Variants in SSH2 observed in about 807,000 individuals in gnomAD.
SSH2 encodes protein phosphatase Slingshot homolog 2.
In SSH2, 37 loss-of-function variants were observed where a neutral mutation model predicts 135.2. That is an observed-to-expected ratio of 0.27 (90% CI 0.21 to 0.36). SSH2 has a LOEUF of 0.36. SSH2 is among the 10% of genes least tolerant of loss of function. The pLI, the probability that SSH2 is intolerant of heterozygous loss-of-function variation, is 1.00. For missense variants in SSH2, 1,408 were observed against 1,765.3 expected (o/e 0.80, Z 3.63); for synonymous variants, 628 against 646.2 (o/e 0.97, Z 0.43).
chr17:29,926,961 T>A (rs1012487646), intron 1 of SSH2, among the ~76,000 whole-genome samples: 2 of 152,208 alleles, frequency 1.3e-5, no homozygotes, highest in African/African-American at 2.4e-5. Context: ...TAGACACATC[T>A]GGGTTTGAAT....
chr17:29,667,329 TC>T, intron 9 of SSH2, 106 bp from the exon 10 acceptor site: 1 of 888,120 alleles, frequency 1.1e-6, no homozygotes, highest in South Asian at 1.8e-5. Flanking sequence ...ATAAGGCAAA[TC>T]CTTTTCCAAA....
At chr17:29,782,522 G>A (rs542444887) in intron 3 of SSH2, among the ~76,000 whole-genome samples, 1 of 151,702 alleles carries the variant, frequency 6.6e-6, no homozygotes, top group South Asian at 2.1e-4. Context: ...TTCTTTTTTT[G>A]TGCGAGACCA....
At chr17:29,734,275 G>A (rs1163936967) in intron 3 of SSH2, among the ~76,000 whole-genome samples, 1 of 152,152 alleles carries the variant, frequency 6.6e-6, no homozygotes, top group Non-Finnish European at 1.5e-5. Context: ...TCAAGACATA[G>A]AAAGGCTTTC....
rs2151499325 is a variant in SSH2, at chr17:29,929,979, G to T, written c.22C>A (p.Arg8=). ...GAGGTGGTGCTGGGGGTAGGTGACCGCTGGACCGTGACCAAAGCCATCTAG... is the reference window on the plus strand; with the variant it reads ...GAGGTGGTGCTGGGGGTAGGTGACCTCTGGACCGTGACCAAAGCCATCTAG... MALVTVQ[R]SPTPSTTSSP... is the part of the protein sequence containing the mutation. The change falls in exon 1 of 16, where the codon CGG becomes AGG. Residue 8 remains arginine, a synonymous_variant. Transcript: ENST00000540801. 1 of 1,603,482 alleles carries T rather than the reference G, an allele frequency of 6.2e-7. No individual in the cohort carries two copies. The highest frequency in any genetic ancestry group is 1.1e-5 in the South Asian group (1 of 88,920).
At chr17:29,777,417 C>T (rs922012050) in intron 3 of SSH2, among the ~76,000 whole-genome samples, 1 of 152,028 alleles carries the variant, frequency 6.6e-6, no homozygotes, top group Non-Finnish European at 1.5e-5. Flanking sequence ...ACTAGCCCAT[C>T]CTGTTTAAGG....
intron 2 of SSH2, among the ~76,000 whole-genome samples, chr17:29,794,514 T>C (rs2729435): frequency 0.58 from 88,207 of 152,034 alleles, 27,419 homozygotes; most frequent in African/African-American, 0.81. Context: ...TTATTTTTAA[T>C]TTATTCAAAT....
intron 3 of SSH2, among the ~76,000 whole-genome samples, chr17:29,745,924 C>T (rs2040744500): frequency 6.6e-6 from 1 of 152,136 alleles, no homozygotes; most frequent in Non-Finnish European, 1.5e-5. Context: ...AAACACTGCA[C>T]TATTACTGTT....
chr17:29,740,977 T>A (rs1370256877), intron 3 of SSH2, among the ~76,000 whole-genome samples: 2 of 152,190 alleles, frequency 1.3e-5, no homozygotes, highest in Non-Finnish European at 2.9e-5. Context: ...ACCCATATGC[T>A]CAAAAACTCT....
In SSH2 at chr17:29,650,746, G is replaced by A. The variant is rs2036551495; in HGVS notation, c.1134C>T (p.Val378=). 2 of 1,613,848 alleles carry A rather than the reference G, an allele frequency of 1.2e-6. No homozygotes were observed. The highest frequency in any genetic ancestry group is 1.7e-6 in the Non-Finnish European group (2 of 1,179,878). ...ATACCCGAATGTTATGATACTCAAA[G>A]ACTCCTGGGAAGAAGTTATCTATCT... ...TREIDNFFPG[V]FEYHNIRVYD... Residue 378 remains valine, a synonymous_variant, in exon 13 of 16, where the codon GTC becomes GTT. Transcript: ENST00000540801.
At chr17:29,917,571 GAGC>G (rs1421827286) in intron 1 of SSH2, among the ~76,000 whole-genome samples, 1 of 152,092 alleles carries the variant, frequency 6.6e-6, no homozygotes, top group African/African-American at 2.4e-5. Context: ...ACTAAGGCAG[GAGC>G]AGCAAAATGA....
At chr17:29,750,233 T>C (rs2040885312) in intron 3 of SSH2, among the ~76,000 whole-genome samples, 1 of 149,866 alleles carries the variant, frequency 6.7e-6, no homozygotes. Context: ...AGGTCAGGAG[T>C]TCGAGATCAG....
At chr17:29,858,992 C>A (rs925049417) in intron 1 of SSH2, among the ~76,000 whole-genome samples, 10 of 152,176 alleles carry the variant, frequency 6.6e-5, no homozygotes, top group Admixed American at 6.5e-4. Flanking sequence ...GAAGGTCAGC[C>A]TCAGAAGAAA....
In SSH2 at chr17:29,673,429, G is replaced by C. The variant is rs1187921438; in HGVS notation, c.615-1300C>G. Among the ~76,000 whole-genome samples, 4 of 152,080 alleles carry C rather than the reference G, an allele frequency of 2.6e-5. No individual in the cohort carries two copies. The East Asian group carries it at 7.7e-4, about 29-fold the overall frequency. ...TACTAAAAATACAAGGATTAGCTGG[G>C]AACGGTGGCACATGCCTGTAGTCCT... On this transcript the variant is annotated intron_variant, in intron 8 of 15. Transcript: ENST00000540801.
At chr17:29,766,449 C>T (rs1280974213) in intron 3 of SSH2, among the ~76,000 whole-genome samples, 3 of 150,702 alleles carry the variant, frequency 2.0e-5, no homozygotes, top group Admixed American at 6.6e-5. Flanking sequence ...CAGAGTGAGA[C>T]GCTGTCTCAA....
intron 1 of SSH2, among the ~76,000 whole-genome samples, chr17:29,908,295 AT>A (rs559401962): frequency 2.6e-4 from 39 of 152,060 alleles, no homozygotes; most frequent in African/African-American, 9.2e-4. Flanking sequence ...CTCCAAAAAA[AT>A]AAAAAATAAA....
At chr17:29,823,286 A>G (rs955796780) in intron 2 of SSH2, among the ~76,000 whole-genome samples, 2 of 152,324 alleles carry the variant, frequency 1.3e-5, no homozygotes, top group African/African-American at 2.4e-5. Context: ...GTGACAGTTT[A>G]CAAAATGAAA....
At chr17:29,697,233 C>T (rs1057270527) in intron 4 of SSH2, among the ~76,000 whole-genome samples, 5 of 151,946 alleles carry the variant, frequency 3.3e-5, no homozygotes, top group African/African-American at 1.2e-4. Flanking sequence ...ACAAAAAAAC[C>T]TCATTCTTGC....
intron 1 of SSH2, among the ~76,000 whole-genome samples, chr17:29,868,793 C>T (rs1050828415): frequency 4.0e-5 from 6 of 151,480 alleles, no homozygotes; most frequent in South Asian, 2.1e-4. Context: ...GAAGCCCTGT[C>T]GAATATTGGT....
At chr17:29,665,010 C>T (rs1457795962) in intron 11 of SSH2, among the ~76,000 whole-genome samples, 1 of 152,106 alleles carries the variant, frequency 6.6e-6, no homozygotes, top group East Asian at 1.9e-4. Flanking sequence ...GGAAACTTGA[C>T]TTTCAAGTTT....
Sources: gnomAD v4.1 joint callset for allele counts (sites outside exome capture counted in the v4.1 genomes callset) on GRCh38, gnomAD v4.1.1 for gene constraint, MANE v1.5 for transcripts, NCBI Gene and HGNC (gene_info 2026-07-23, HGNC 2026-07-21) for gene names.